The following ANO2 variants were observed in gnomAD, a reference collection of about 807,000 sequenced individuals.
ANO2 encodes anoctamin 2, also known as anoctamin-2.
A neutral mutation model predicts 124.2 loss-of-function variants in ANO2; 101 were observed. The observed-to-expected ratio is 0.81, with a 90% CI of 0.69 to 0.96. ANO2 has a LOEUF of 0.96. Ranked by LOEUF, ANO2 falls within the 40% of genes least tolerant of loss-of-function variation. The probability of loss-of-function intolerance (pLI) is 0.00; values close to 1 mark genes in which losing one functional copy is unlikely to be tolerated. For synonymous variants in ANO2, 486 were observed against 482.5 expected (o/e 1.01, Z -0.09); for missense variants, 1,293 against 1,274.5 (o/e 1.01, Z -0.22).
chr12:5,634,512 C>T (rs1021270532), intron 16 of ANO2, among the ~76,000 whole-genome samples: 1 of 152,186 alleles, frequency 6.6e-6, no homozygotes, highest in South Asian at 2.1e-4. Context: ...CCTCCCCCAC[C>T]CAATAAGCAT....
intron 3 of ANO2, among the ~76,000 whole-genome samples, chr12:5,859,772 G>A (rs766348414): frequency 5.3e-5 from 8 of 152,044 alleles, no homozygotes; most frequent in African/African-American, 1.9e-4. Flanking sequence ...GAACTCAAGC[G>A]ATCCACCTGC....
intron 14 of ANO2, among the ~76,000 whole-genome samples, chr12:5,708,309 C>G (rs1462097090): frequency 6.6e-6 from 1 of 152,204 alleles, no homozygotes; most frequent in Non-Finnish European, 1.5e-5. Flanking sequence ...TTTTACAATG[C>G]AAATCTGATT....
chr12:5,889,549 C>G (rs1316800911), intron 3 of ANO2, among the ~76,000 whole-genome samples: 1 of 152,256 alleles, frequency 6.6e-6, no homozygotes, highest in African/African-American at 2.4e-5. Flanking sequence ...AGGACAACTC[C>G]ACAAAGGTGG....
At position 5,921,333 on chromosome 12, in the gene ANO2, C is replaced by G; in HGVS notation, c.241G>C (p.Val81Leu). ...INNYLDANEP[V>L]SLEARLSRMH... ...CGGCTAAGACGGGCCTCCAAGGACA[C>G]AGGCTCATTGGCATCCAGATAGTTG... is the stretch of plus-strand genomic sequence containing the variant. Residue 81 changes from valine (V) to leucine (L), a missense_variant, in exon 3 of 25, where the codon GTG (valine) becomes CTG (leucine). Physicochemically the swap from Val to Leu is conservative, Grantham distance 32 (BLOSUM62 1). Transcript: ENST00000682330. 2 of 1,613,922 alleles carry G rather than the reference C, an allele frequency of 1.2e-6. No individual in the cohort carries two copies. Among genetic ancestry groups the G allele is most frequent in the South Asian group, 2.2e-5 (2 of 91,074 alleles).
chr12:5,744,098 G>A, intron 12 of ANO2, 59 bp downstream of exon 12: 2 of 1,598,660 alleles, frequency 1.3e-6, no homozygotes, highest in Non-Finnish European at 1.7e-6. Context: ...TTACAGCTTG[G>A]TCACTGTGCC....
At chr12:5,702,783 A>G (rs1949457959) in intron 14 of ANO2, among the ~76,000 whole-genome samples, 1 of 152,248 alleles carries the variant, frequency 6.6e-6, no homozygotes, top group South Asian at 2.1e-4. Flanking sequence ...AGAAAAGATC[A>G]GTATATTTGA....
At chr12:5,870,389 C>T (rs1025101510) in intron 3 of ANO2, 7 of 152,230 alleles carry the variant, frequency 4.6e-5, no homozygotes, top group Non-Finnish European at 1.0e-4. Flanking sequence ...ATCTTTGGCA[C>T]CTTGGCAACG....
intron 3 of ANO2, among the ~76,000 whole-genome samples, chr12:5,882,062 G>A (rs1181667776): frequency 6.6e-6 from 1 of 152,148 alleles, no homozygotes; most frequent in East Asian, 1.9e-4. Context: ...ATAAAGGCAG[G>A]GCTGAATGAC....
At chr12:5,890,636 C>A (rs1939328875) in intron 3 of ANO2, among the ~76,000 whole-genome samples, 1 of 152,178 alleles carries the variant, frequency 6.6e-6, no homozygotes, top group Non-Finnish European at 1.5e-5. Flanking sequence ...GTCAGTGAGG[C>A]CCATCATAAA....
chr12:5,760,431 A>G (rs1010833728), intron 10 of ANO2, among the ~76,000 whole-genome samples: 2 of 152,206 alleles, frequency 1.3e-5, no homozygotes, highest in Admixed American at 1.3e-4. Flanking sequence ...CAGTGAATAG[A>G]ATCTTATTTC....
Position 5,852,848 on chromosome 12 carries a change from C to CGTGTGTGTGT in ANO2, c.633+1185_633+1194dup, listed in dbSNP as rs71445682. Among the ~76,000 whole-genome samples, 813 of 123,944 alleles carry CGTGTGTGTGT rather than the reference C, an allele frequency of 6.6e-3. 5 individuals carry two copies. Among genetic ancestry groups the CGTGTGTGTGT allele is most frequent in the African/African-American group, 8.0e-3 (260 of 32,404 alleles). The allele number at this position is 123,944 out of a possible 152,430, so 81.3% of individuals were successfully genotyped here. The stretch of plus-strand genomic sequence containing the variant: ...TATACAACTACACTATGGAAAGGGA[C>CGTGTGTGTGT]GTGTGTGTGTGTGTGTGTGTGTGTG... On this transcript the variant is annotated intron_variant, in intron 4 of 24. Coordinates refer to ENST00000682330, the MANE Select transcript of ANO2 (RefSeq NM_001364791.2).
Position 5,795,356 on chromosome 12 carries a change from A to G in ANO2, c.1055+4151T>C, listed in dbSNP as rs563192674. Among the ~76,000 whole-genome samples the G allele has an allele frequency of 3.3e-4, 50 of 152,324 alleles. 2 individuals carry two copies. The South Asian group carries it at 9.5e-3, about 29-fold the overall frequency. On this transcript the variant is annotated intron_variant, in intron 10 of 24. Coordinates refer to ENST00000682330, the MANE Select transcript of ANO2 (RefSeq NM_001364791.2). ...CAGAGCTTCCACATGGGTGGGCTTC[A>G]TGCCCAGGGCCTGACTTTAAGTGCA...
At chr12:5,633,379 C>T (rs1052178511) in intron 16 of ANO2, among the ~76,000 whole-genome samples, 9 of 152,154 alleles carry the variant, frequency 5.9e-5, no homozygotes, top group Non-Finnish European at 5.9e-5. Flanking sequence ...CCCATGTAGC[C>T]GCTCTCAGTT....
At chr12:5,662,796 G>T (rs1366595966) in intron 14 of ANO2, among the ~76,000 whole-genome samples, 2 of 152,180 alleles carry the variant, frequency 1.3e-5, no homozygotes, top group Non-Finnish European at 2.9e-5. Flanking sequence ...GAGAATGGTG[G>T]TTAGTTCTTC....
intron 7 of ANO2, among the ~76,000 whole-genome samples, chr12:5,817,154 C>T (rs893238131): frequency 1.3e-5 from 2 of 152,162 alleles, no homozygotes. Context: ...GGGATTGTCC[C>T]CCAAAATAAA....
At chr12:5,673,710 C>T (rs1039572174) in intron 14 of ANO2, among the ~76,000 whole-genome samples, 22 of 152,132 alleles carry the variant, frequency 1.4e-4, no homozygotes, top group African/African-American at 5.3e-4. Flanking sequence ...AGAACCAGTC[C>T]CGTGATGGTT....
intron 11 of ANO2, among the ~76,000 whole-genome samples, chr12:5,747,086 G>A (rs1951287053): frequency 6.6e-6 from 1 of 152,200 alleles, no homozygotes; most frequent in African/African-American, 2.4e-5. Context: ...TTTTGATGTT[G>A]TGCCGTAGTT....
At chr12:5,648,626 G>C (rs1014212042) in intron 14 of ANO2, among the ~76,000 whole-genome samples, 1 of 152,234 alleles carries the variant, frequency 6.6e-6, no homozygotes, top group South Asian at 2.1e-4. Flanking sequence ...TAATTAAACA[G>C]CTCTGCTGTA....
chr12:5,598,348 T>C (rs1943762893), intron 20 of ANO2, among the ~76,000 whole-genome samples: 1 of 152,206 alleles, frequency 6.6e-6, no homozygotes, highest in Admixed American at 6.5e-5. Context: ...TTAGACATTA[T>C]AGCTAAGATC....
Sources: allele counts gnomAD v4.1 joint callset (sites outside exome capture counted in the v4.1 genomes callset), GRCh38; gene constraint gnomAD v4.1.1; transcripts MANE v1.5; gene names NCBI Gene and HGNC (gene_info 2026-07-23, HGNC 2026-07-21).